TPD52: variants seen among roughly 807,000 people sequenced by gnomAD.
TPD52 encodes the protein tumor protein D52.
In TPD52, 17 loss-of-function variants were observed where a neutral mutation model predicts 31.3. The observed-to-expected ratio is 0.54, with a 90% confidence interval of 0.37 to 0.82. TPD52 has a LOEUF of 0.82. Ranked by LOEUF, TPD52 falls within the 40% of genes least tolerant of loss-of-function variation. The pLI is 0.00. For missense variants in TPD52, 212 were observed against 240.1 expected (o/e 0.88, Z 0.77); for synonymous variants, 83 against 89.6 (o/e 0.93, Z 0.42).
At chr8:80,107,932 C>T (rs575607411) in intron 1 of TPD52, among the ~76,000 whole-genome samples, 1 of 152,164 alleles carries the variant, frequency 6.6e-6, no homozygotes, top group South Asian at 2.1e-4. Flanking sequence ...ATAAATCCAA[C>T]CTAAGAGGAA....
Position 80,084,627 on chromosome 8 carries a change from C to G in TPD52, c.20-20034G>C, listed in dbSNP as rs561086663. Among the ~76,000 whole-genome samples the G allele has an allele frequency of 6.2e-4, 95 of 152,360 alleles. No individual in the cohort carries two copies. The South Asian group carries it at 0.012, about 19-fold the overall frequency. On this transcript the variant is annotated intron_variant, in intron 1 of 7. Transcript: ENST00000518937. Reference sequence around the variant, plus strand: ...GTTATTAAACAAACACAATTTTGTTCTGCTCCACTTGTGGCTGGAGTTGAA... The same window carrying G: ...GTTATTAAACAAACACAATTTTGTTGTGCTCCACTTGTGGCTGGAGTTGAA...
At chr8:80,133,837 G>T (rs1352743238) in intron 1 of TPD52, among the ~76,000 whole-genome samples, 1 of 152,074 alleles carries the variant, frequency 6.6e-6, no homozygotes, top group South Asian at 2.1e-4. Flanking sequence ...GGGCAAGGAG[G>T]GGGAGGATAT....
chr8:80,138,245 G>A (rs1410810514), intron 1 of TPD52, among the ~76,000 whole-genome samples: 1 of 152,134 alleles, frequency 6.6e-6, no homozygotes, highest in South Asian at 2.1e-4. Flanking sequence ...GCCTGACCAT[G>A]AGACCCTGTC....
At chr8:80,070,017 T>C (rs1036004508) in intron 1 of TPD52, among the ~76,000 whole-genome samples, 2 of 152,228 alleles carry the variant, frequency 1.3e-5, no homozygotes, top group African/African-American at 4.8e-5. Context: ...AACTGAATTA[T>C]TCTTTAAAGA....
At chr8:80,081,148 TTC>T (rs1195254617) in intron 1 of TPD52, among the ~76,000 whole-genome samples, 4 of 142,046 alleles carry the variant, frequency 2.8e-5, no homozygotes, top group Admixed American at 6.9e-5. Flanking sequence ...GACTTTTCTT[TTC>T]TCTCTCTTTT....
At chr8:80,154,747 ACACAC>A (rs567116530) in intron 1 of TPD52, among the ~76,000 whole-genome samples, 1,902 of 76,394 alleles carry the variant, frequency 0.025, 60 homozygotes, top group African/African-American at 0.06. Context: ...ACACACACAC[ACACAC>A]AAAACACCTA....
At chr8:80,075,815 A>G (rs565925920) in intron 1 of TPD52, among the ~76,000 whole-genome samples, 1 of 152,204 alleles carries the variant, frequency 6.6e-6, no homozygotes, top group African/African-American at 2.4e-5. Context: ...ATTTGACTCC[A>G]GTTTTTATTT....
At chr8:80,094,793 TTGAAA>T (rs1202471115) in intron 1 of TPD52, among the ~76,000 whole-genome samples, 1 of 151,376 alleles carries the variant, frequency 6.6e-6, no homozygotes, top group Non-Finnish European at 1.5e-5. Flanking sequence ...ATTATAAGAG[TTGAAA>T]TAAGTTGGAA....
intron 7 of TPD52, among the ~76,000 whole-genome samples, chr8:80,041,857 A>T (rs2130386793): frequency 6.6e-6 from 1 of 152,298 alleles, no homozygotes; most frequent in Non-Finnish European, 1.5e-5. Flanking sequence ...TGGGAGGCCG[A>T]GGCGGGCGGA....
At chr8:80,118,136 A>C (rs900292813) in intron 1 of TPD52, among the ~76,000 whole-genome samples, 17 of 152,220 alleles carry the variant, frequency 1.1e-4, no homozygotes, top group Non-Finnish European at 2.5e-4. Flanking sequence ...AATAGAATTC[A>C]GAGTTCGGAA....
chr8:80,124,192 G>C (rs975518145), intron 1 of TPD52, among the ~76,000 whole-genome samples: 1 of 150,986 alleles, frequency 6.6e-6, no homozygotes, highest in Non-Finnish European at 1.5e-5. Flanking sequence ...TTTAGACAGG[G>C]TCTCACTCTG....
At chr8:80,064,993 T>G (rs1818373144) in intron 1 of TPD52, 1 of 363,744 alleles carries the variant, frequency 2.7e-6, no homozygotes, top group African/African-American at 2.1e-5. Context: ...AGTTTGCATA[T>G]CTCTTCAGCT....
chr8:80,052,683 C>T (rs765009046), intron 3 of TPD52: 43 of 1,288,758 alleles, frequency 3.3e-5, no homozygotes, highest in Middle Eastern at 2.1e-4. Flanking sequence ...CTCCTTGTGC[C>T]GGGAAACAAA....
chr8:80,123,275 G>A (rs762280656), intron 1 of TPD52, among the ~76,000 whole-genome samples: 1 of 152,194 alleles, frequency 6.6e-6, no homozygotes, highest in African/African-American at 2.4e-5. Context: ...GATGCTGGTG[G>A]CTTAGAGGGG....
At chr8:80,086,631 T>G (rs1815798414) in intron 1 of TPD52, among the ~76,000 whole-genome samples, 1 of 151,928 alleles carries the variant, frequency 6.6e-6, no homozygotes, top group Non-Finnish European at 1.5e-5. Context: ...CCTGGCACTT[T>G]GGGAGACCAA....
chr8:80,117,378 C>G (rs1026088556), intron 1 of TPD52, among the ~76,000 whole-genome samples: 5 of 151,984 alleles, frequency 3.3e-5, no homozygotes, highest in Admixed American at 2.0e-4. Flanking sequence ...GAAATTAAGA[C>G]AAAATTGTAT....
chr8:80,126,908 G>A (rs937221298), intron 1 of TPD52, among the ~76,000 whole-genome samples: 1 of 152,270 alleles, frequency 6.6e-6, no homozygotes, highest in East Asian at 1.9e-4. Flanking sequence ...GGTGGCTTGA[G>A]CCCAGCCTGA....
At chr8:80,138,094 C>A (rs925026127) in intron 1 of TPD52, among the ~76,000 whole-genome samples, 1 of 152,102 alleles carries the variant, frequency 6.6e-6, no homozygotes, top group Non-Finnish European at 1.5e-5. Context: ...CAGACATGCG[C>A]CACCACGCCC....
chr8:80,167,229 A>C (rs1271294485), intron 1 of TPD52, among the ~76,000 whole-genome samples: 2 of 152,212 alleles, frequency 1.3e-5, no homozygotes, highest in Non-Finnish European at 2.9e-5. Flanking sequence ...AATGTCTCAG[A>C]AGAGAGATTT....
Sources: allele counts gnomAD v4.1 joint callset (sites outside exome capture counted in the v4.1 genomes callset), GRCh38; gene constraint gnomAD v4.1.1; transcripts MANE v1.5; gene names NCBI Gene and HGNC (gene_info 2026-07-23, HGNC 2026-07-21).